The following CRYM variants were observed in gnomAD, a reference collection of about 807,000 sequenced individuals.
CRYM encodes ketimine reductase mu-crystallin.
Under a neutral mutation model 32.9 loss-of-function variants are expected in CRYM, and 18 were observed. That is an observed-to-expected ratio of 0.55 (90% CI 0.38 to 0.81). The LOEUF (loss-of-function observed/expected upper bound fraction) is 0.81. CRYM is among the 30% of genes least tolerant of loss of function. CRYM has a pLI of 0.00. For missense variants in CRYM, 337 were observed against 393.5 expected (o/e 0.86, Z 1.21); for synonymous variants, 153 against 152.4 (o/e 1.00, Z -0.03).
At chr16:21,260,545 C>T (rs1266579997) in intron 7 of CRYM, among the ~76,000 whole-genome samples, 4 of 152,146 alleles carry the variant, frequency 2.6e-5, no homozygotes, top group African/African-American at 9.7e-5. Context: ...AGTGATCTGC[C>T]CACCTTGGCC....
Position 21,278,151 on chromosome 16 carries a change from A to C in CRYM, c.101T>G (p.Phe34Cys). 6.4e-7 allele frequency: 1 copy of C among 1,552,076 alleles called. No homozygotes were observed. The highest frequency in any genetic ancestry group is 8.7e-7 in the Non-Finnish European group (1 of 1,148,202). The change falls in exon 1 of 8, where the codon TTC (phenylalanine) becomes TGC (cysteine). Residue 34 changes from phenylalanine to cysteine, a missense_variant. By Grantham distance (205) the Phe-to-Cys change is radical. Transcript: ENST00000572914. ...GACCCCTCCTTCGGGACCGCTGGAG[A>C]AGTTGGCCAGGGCCGTCTCTAGAGG... The part of the protein sequence containing the change: ...IPPLETALAN[F>C]SSGPEGGVMQ...
At chr16:21,278,389 G>C (rs928415502), upstream of CRYM, 1 of 1,043,882 alleles carries the variant, frequency 9.6e-7, no homozygotes, top group Non-Finnish European at 1.4e-6. Context: ...GAGCAACCCC[G>C]CCCCGCCCCG....
At chr16:21,297,883 A>C (rs969875430) in intron 1 of CRYM, among the ~76,000 whole-genome samples, 7 of 152,254 alleles carry the variant, frequency 4.6e-5, no homozygotes, top group Admixed American at 3.9e-4. Flanking sequence ...GGTATGTAAG[A>C]AACACAACTA....
At chr16:21,261,816 C>T (rs992991472) in intron 6 of CRYM, 15 of 554,144 alleles carry the variant, frequency 2.7e-5, no homozygotes, top group Middle Eastern at 1.0e-3. Flanking sequence ...ATCCACTGAG[C>T]TTCTCCTTCC....
intron 1 of CRYM, among the ~76,000 whole-genome samples, chr16:21,292,278 A>G (rs1450427415): frequency 1.3e-5 from 2 of 152,174 alleles, no homozygotes; most frequent in Non-Finnish European, 2.9e-5. Flanking sequence ...AAGGAAATCT[A>G]GAAATATCTA....
Position 21,267,729 on chromosome 16 carries a change from T to A in CRYM, c.498A>T (p.Ile166=). ...CTGCATTTTCTTTGGTGCGGTTCCA[T>A]ATCCTCACCTTCATTGGGAGTAACA... The part of the protein sequence containing the change: ...TEQFSFKEVR[I]WNRTKENAEK... The change falls in exon 5 of 8, where the codon ATA becomes ATT. Residue 166 remains isoleucine (I), a synonymous_variant. Coordinates refer to ENST00000572914, the MANE Select transcript of CRYM (RefSeq NM_001376256.1). The A allele has an allele frequency of 6.2e-7, 1 of 1,614,232 alleles. No homozygotes were observed. The highest frequency in any genetic ancestry group is 8.5e-7 in the Non-Finnish European group (1 of 1,180,034).
rs1339067772 is a variant in CRYM at position 21,277,319 on chromosome 16, A to G, written c.324+112T>C. 3.5e-6 allele frequency: 4 copies of G among 1,126,948 alleles called. No individual in the cohort carries two copies. The African/African-American group carries it at 6.1e-5, about 17-fold the overall frequency. 69.8% of individuals were successfully genotyped at this position (1,126,948 alleles called of 1,614,324 possible). On this transcript the variant is annotated intron_variant, in intron 2 of 7. Transcript: ENST00000572914. This position sits in a 1 kb window ranked among gnomAD's most constrained non-coding sequence, Gnocchi z 4.2. ...CTGTTGCTGGTATCCAGTCACTTGC[A>G]GAGGGGCACGCGTAGTCACAATCAA... is the stretch of plus-strand genomic sequence containing the variant.
intron 1 of CRYM, 38 bp downstream of exon 1, chr16:21,278,035 CCGCTTTCCA>C (rs937335255): frequency 2.0e-6 from 3 of 1,521,930 alleles, no homozygotes; most frequent in Non-Finnish European, 2.6e-6. Context: ...CCTCCTTTCC[CCGCTTTCCA>C]GTTTCTCCTG....
chr16:21,268,011 C>G (rs1473800035), intron 4 of CRYM, among the ~76,000 whole-genome samples: 1 of 152,226 alleles, frequency 6.6e-6, no homozygotes, highest in Admixed American at 6.5e-5. Context: ...CCAAGAGGCA[C>G]AGCCTCAGTA....
chr16:21,286,737 T>C (rs553228970), intron 1 of CRYM, among the ~76,000 whole-genome samples: 5 of 152,300 alleles, frequency 3.3e-5, no homozygotes, highest in African/African-American at 1.2e-4. Flanking sequence ...TATATAATTT[T>C]AACATATTAA....
At chr16:21,285,037 T>C (rs1180341451) in intron 1 of CRYM, among the ~76,000 whole-genome samples, 1 of 152,238 alleles carries the variant, frequency 6.6e-6, no homozygotes, top group East Asian at 1.9e-4. Flanking sequence ...ATATTGAGCA[T>C]TTTTTCATAT....
chr16:21,292,167 A>C (rs1343159796), intron 1 of CRYM, among the ~76,000 whole-genome samples: 1 of 152,136 alleles, frequency 6.6e-6, no homozygotes, highest in Non-Finnish European at 1.5e-5. Flanking sequence ...ACTGTGAATT[A>C]TTCATACAAT....
intron 4 of CRYM, 117 bp from the exon 5 acceptor site, chr16:21,267,854 C>T: frequency 1.1e-6 from 1 of 934,306 alleles, no homozygotes; most frequent in Non-Finnish European, 1.7e-6. Flanking sequence ...CAGTGGTTAT[C>T]TAAATCACTC....
At position 21,269,783 on chromosome 16, in the gene CRYM, GAC is replaced by G; in HGVS notation, c.489+5_489+6del. The G allele has an allele frequency of 8.3e-7, 1 of 1,197,822 alleles. No individual in the cohort carries two copies. Among genetic ancestry groups the G allele is most frequent in the Non-Finnish European group, 1.2e-6 (1 of 822,168 alleles). 74.2% of individuals were successfully genotyped at this position (1,197,822 alleles called of 1,614,324 possible). A position where few individuals can be genotyped will look rare whatever the true frequency, so the allele number is the denominator to read the frequency against. ...CTCTTCTCTCCCACCCCCACCCCTG[GAC>G]TTACCTCCTTAAAGGAGAACTGCTC... On this transcript the variant is annotated splice_donor_5th_base_variant and intron_variant, in intron 4 of 7. Transcript: ENST00000572914.
At chr16:21,278,603 CT>C, upstream of CRYM, 2 of 352,814 alleles carry the variant, frequency 5.7e-6, no homozygotes, top group South Asian at 3.0e-5. Context: ...TATTAACTCG[CT>C]TTTTGCTGCT....
Position 21,262,155 on chromosome 16 carries a change from A to T in CRYM, c.677T>A (p.Val226Asp). 6.2e-7 allele frequency: 1 copy of T among 1,614,112 alleles called. No individual in the cohort carries two copies. Among genetic ancestry groups the T allele is most frequent in the Non-Finnish European group, 8.5e-7 (1 of 1,179,976 alleles). Reference sequence around the variant, plus strand: ...TCTCCAGTCAGGTCTGCTGGCTCCAACAGCTAAGAGACAGCAAAACAGACC... The same window carrying T: ...TCTCCAGTCAGGTCTGCTGGCTCCATCAGCTAAGAGACAGCAAAACAGACC... ...WVKPGAHINA[V>D]GASRPDWREL... The change falls in exon 6 of 8, where the codon GTT becomes GAT. Residue 226 changes from valine to aspartate, a missense_variant. Transcript: ENST00000572914.
At chr16:21,282,241 C>G (rs1189420155), upstream of CRYM, among the ~76,000 whole-genome samples, 2 of 152,186 alleles carry the variant, frequency 1.3e-5, no homozygotes, top group Non-Finnish European at 2.9e-5. Flanking sequence ...GATTGTGAGG[C>G]CTCCCCAGCC....
rs139776594 is a variant in CRYM at position 21,278,157 on chromosome 16, G to A, written c.95C>T (p.Ala32Val). 6 of 1,553,004 alleles carry A rather than the reference G, an allele frequency of 3.9e-6. No individual in the cohort carries two copies. The African/African-American group carries it at 5.5e-5, about 14-fold the overall frequency. Residue 32 changes from alanine (A) to valine (V), a missense_variant, in exon 1 of 8, where the codon GCC becomes GTC. Physicochemically the swap from Ala to Val is moderately conservative, Grantham distance 64. Coordinates refer to ENST00000572914, the MANE Select transcript of CRYM (RefSeq NM_001376256.1). ...TCCTTCGGGACCGCTGGAGAAGTTG[G>A]CCAGGGCCGTCTCTAGAGGCGGGAT... ...LLIPPLETALANFSSGPEGGV... is the reference protein window; with the variant it reads ...LLIPPLETALVNFSSGPEGGV...
intron 5 of CRYM, among the ~76,000 whole-genome samples, chr16:21,263,219 T>C (rs226049): frequency 0.015 from 2,297 of 152,158 alleles, 43 homozygotes; most frequent in African/African-American, 0.052. Context: ...CTGGCCAACA[T>C]GGTGAAACCC....
Sources: gnomAD v4.1 joint callset for allele counts (sites outside exome capture counted in the v4.1 genomes callset) on GRCh38, gnomAD v4.1.1 for gene constraint, Gnocchi (gnomAD v3.1) non-coding constraint, MANE v1.5 for transcripts, NCBI Gene and HGNC (gene_info 2026-07-23, HGNC 2026-07-21) for gene names.